Variants in SH2D4B observed in about 807,000 individuals in gnomAD.
SH2D4B encodes the protein SH2 domain-containing protein 4B.
Under a neutral mutation model 61.5 loss-of-function variants are expected in SH2D4B, and 45 were observed. The observed-to-expected ratio is 0.73, with a 90% confidence interval of 0.58 to 0.94. The LOEUF is 0.94. SH2D4B is among the 40% of genes least tolerant of loss of function. The pLI is 0.00. For missense variants in SH2D4B, 572 were observed against 574.2 expected, an observed-to-expected ratio of 1.00 and a Z score of 0.04; for synonymous variants, 224 against 220.4, an observed-to-expected ratio of 1.02 and a Z score of -0.14.
intron 6 of SH2D4B, among the ~76,000 whole-genome samples, chr10:80,610,819 G>C (rs1481764066): frequency 6.6e-6 from 1 of 152,120 alleles, no homozygotes; most frequent in Non-Finnish European, 1.5e-5. Context: ...CGTGCCCTTT[G>C]GGAGTTGGTT....
rs199836337 is a variant in SH2D4B at position 80,644,183 on chromosome 10, C to T, written c.*98C>T. The T allele has an allele frequency of 2.1e-6, 2 of 941,224 alleles. No homozygotes were observed. The highest frequency in any genetic ancestry group is 2.1e-5 in the Admixed American group (1 of 47,034). The allele number at this position is 941,224 out of a possible 1,614,324, so 58.3% of individuals were successfully genotyped here. On this transcript the variant is annotated 3_prime_UTR_variant, in exon 8 of 8. Coordinates refer to ENST00000646907, the MANE Select transcript of SH2D4B (RefSeq NM_001388272.1). ...ATCCTATGGCCTTCTGGAAGATCCA[C>T]CACTATCCAAAGGAAAAAGTAGATT...
At chr10:80,543,291 G>A (rs1295854314) in intron 1 of SH2D4B, among the ~76,000 whole-genome samples, 9 of 152,152 alleles carry the variant, frequency 5.9e-5, no homozygotes, top group Admixed American at 5.2e-4. Context: ...CGGGAACCGG[G>A]GCCAGCGCGA....
At chr10:80,583,758 G>T (rs1285007303) in intron 3 of SH2D4B, among the ~76,000 whole-genome samples, 1 of 152,114 alleles carries the variant, frequency 6.6e-6, no homozygotes, top group Non-Finnish European at 1.5e-5. Flanking sequence ...TTGACAAATA[G>T]GAGCTCTATA....
At chr10:80,600,509 G>C (rs190865079) in intron 4 of SH2D4B, among the ~76,000 whole-genome samples, 7 of 144,896 alleles carry the variant, frequency 4.8e-5, no homozygotes, top group Admixed American at 4.2e-4. Context: ...TGGAGCTACA[G>C]TGCAGAGTGG....
chr10:80,610,716 G>A (rs1339610375), intron 6 of SH2D4B, among the ~76,000 whole-genome samples: 2 of 152,188 alleles, frequency 1.3e-5, no homozygotes, highest in Non-Finnish European at 2.9e-5. Context: ...TAGCATCCGT[G>A]TCATGTTGGT....
At chr10:80,563,470 A>C (rs1259790415) in intron 1 of SH2D4B, among the ~76,000 whole-genome samples, 1 of 152,020 alleles carries the variant, frequency 6.6e-6, no homozygotes, top group African/African-American at 2.4e-5. Flanking sequence ...CCATTTGTCT[A>C]TTTTTGCTGT....
rs1841530361 is a variant in SH2D4B, at chr10:80,538,223, G to A, written c.-109G>A. ...GCTGCACAGAGAAGGGGCACCGAGA[G>A]TGGCCCCGGATTGAGCAGTCCGTAG... On this transcript the variant is annotated 5_prime_UTR_variant, in exon 1 of 8. In the 5' UTR this introduces an upstream ATG that the reference lacks. Coordinates refer to ENST00000646907, the MANE Select transcript of SH2D4B (RefSeq NM_001388272.1). The surrounding 1 kb of genome is among the most constrained non-coding windows in gnomAD (Gnocchi z 4.8). 1.2e-5 allele frequency: 11 copies of A among 936,506 alleles called. No homozygotes were observed. The East Asian group carries it at 3.3e-4, about 28-fold the overall frequency. 58.0% of individuals were successfully genotyped at this position (936,506 alleles called of 1,614,324 possible).
In SH2D4B at chr10:80,634,297, G is replaced by A. The variant is rs747332303; in HGVS notation, c.1001G>A (p.Arg334Gln). The A allele has an allele frequency of 5.0e-5, 76 of 1,506,320 alleles. No homozygotes were observed. Among genetic ancestry groups the A allele is most frequent in the South Asian group, 2.7e-4 (21 of 78,818 alleles). The allele number at this position is 1,506,320 out of a possible 1,614,324, so 93.3% of individuals were successfully genotyped here. ...IAPWFHGIIS[R>Q]EDAEALLENM... Reference sequence around the variant, plus strand: ...TATTTTAAATCAGGAATTATTAGCCGAGAAGATGCAGAAGCTCTCCTGGAG... The same window carrying A: ...TATTTTAAATCAGGAATTATTAGCCAAGAAGATGCAGAAGCTCTCCTGGAG... Residue 334 changes from arginine to glutamine, a missense_variant, in exon 7 of 8, where the codon CGA becomes CAA. Transcript: ENST00000646907.
intron 1 of SH2D4B, among the ~76,000 whole-genome samples, chr10:80,556,837 A>G (rs1841843971): frequency 6.6e-6 from 1 of 152,200 alleles, no homozygotes; most frequent in African/African-American, 2.4e-5. Flanking sequence ...TGATTATGTC[A>G]TATGCAAATG....
intron 3 of SH2D4B, among the ~76,000 whole-genome samples, chr10:80,582,015 T>C (rs1842190275): frequency 6.6e-6 from 1 of 152,240 alleles, no homozygotes; most frequent in Non-Finnish European, 1.5e-5. Flanking sequence ...TCCAATTCAA[T>C]GATTAATTTT....
intron 1 of SH2D4B, among the ~76,000 whole-genome samples, chr10:80,561,652 A>G (rs1841903529): frequency 6.6e-6 from 1 of 152,186 alleles, no homozygotes; most frequent in African/African-American, 2.4e-5. Context: ...TTTTATGGTA[A>G]CATGTTATGT....
Position 80,538,626 on chromosome 10 carries a change from C to A in SH2D4B, c.184+111C>A. On this transcript the variant is annotated intron_variant, in intron 1 of 7. Coordinates refer to ENST00000646907, the MANE Select transcript of SH2D4B (RefSeq NM_001388272.1). The surrounding 1 kb of genome is among the most constrained non-coding windows in gnomAD (Gnocchi z 4.8). ...AAGATGGGCACTGGGGTGATGAGGG[C>A]TGGGGGCTTGAAACCCTTGTCTTGT... 2 of 947,098 alleles carry A rather than the reference C, an allele frequency of 2.1e-6. No homozygotes were observed. Among genetic ancestry groups the A allele is most frequent in the Non-Finnish European group, 2.8e-6 (2 of 708,178 alleles). 58.7% of individuals were successfully genotyped at this position (947,098 alleles called of 1,614,324 possible).
At chr10:80,591,241 A>G (rs760731811) in intron 4 of SH2D4B, among the ~76,000 whole-genome samples, 2 of 152,088 alleles carry the variant, frequency 1.3e-5, no homozygotes, top group Non-Finnish European at 2.9e-5. Context: ...TATATTTTCA[A>G]TTCTCTTGAG....
Position 80,634,289 on chromosome 10 carries a change from T to G in SH2D4B, c.993T>G (p.Ile331Met). 6.7e-7 allele frequency: 1 copy of G among 1,501,774 alleles called. No homozygotes were observed. Among genetic ancestry groups the G allele is most frequent in the Non-Finnish European group, 8.9e-7 (1 of 1,123,288 alleles). 93.0% of individuals were successfully genotyped at this position (1,501,774 alleles called of 1,614,324 possible). ...TTTTTTTCTATTTTAAATCAGGAAT[T>G]ATTAGCCGAGAAGATGCAGAAGCTC... ...TKFIAPWFHG[I>M]ISREDAEALL... is the part of the protein sequence containing the mutation. Residue 331 changes from isoleucine to methionine, a missense_variant, in exon 7 of 8, where the codon ATT becomes ATG. Coordinates refer to ENST00000646907, the MANE Select transcript of SH2D4B (RefSeq NM_001388272.1).
chr10:80,572,986 A>ATATAT (rs1564772012), intron 3 of SH2D4B, among the ~76,000 whole-genome samples: 3 of 8,874 alleles, frequency 3.4e-4, no homozygotes, highest in Admixed American at 2.4e-3. Flanking sequence ...ATATATATAT[A>ATATAT]TTTTTTTTTT....
intron 6 of SH2D4B, among the ~76,000 whole-genome samples, chr10:80,619,913 C>T (rs764021084): frequency 1.3e-5 from 2 of 152,240 alleles, no homozygotes; most frequent in Non-Finnish European, 2.9e-5. Flanking sequence ...CAGATGTTTG[C>T]AGCCACTCCT....
rs184104506 is a variant in SH2D4B at position 80,618,495 on chromosome 10, A to G, written c.988+8944A>G. Among the ~76,000 whole-genome samples the G allele has an allele frequency of 3.3e-4, 50 of 152,374 alleles. 1 individual carries two copies. Among genetic ancestry groups the G allele is most frequent in the Admixed American group, 3.2e-3 (49 of 15,310 alleles). ...AATTTCATTTGGCGTTATAAAAAAAAGAAGGCCTTTGAGCTCATTCATCAC... is the reference window on the plus strand; with the variant it reads ...AATTTCATTTGGCGTTATAAAAAAAGGAAGGCCTTTGAGCTCATTCATCAC... On this transcript the variant is annotated intron_variant, in intron 6 of 7. Coordinates refer to ENST00000646907, the MANE Select transcript of SH2D4B (RefSeq NM_001388272.1).
At chr10:80,579,126 G>C (rs1362597380) in intron 3 of SH2D4B, among the ~76,000 whole-genome samples, 1 of 152,140 alleles carries the variant, frequency 6.6e-6, no homozygotes, top group East Asian at 1.9e-4. Context: ...GTGAGAGCTT[G>C]GGTGAAAAGC....
intron 1 of SH2D4B, among the ~76,000 whole-genome samples, chr10:80,565,774 C>T (rs1210857660): frequency 6.6e-6 from 1 of 152,034 alleles, no homozygotes; most frequent in Non-Finnish European, 1.5e-5. Context: ...TCATTCCTGG[C>T]AGGAAGAAGA....
Sources: gnomAD v4.1 joint callset for allele counts (sites outside exome capture counted in the v4.1 genomes callset) on GRCh38, gnomAD v4.1.1 for gene constraint, Gnocchi (gnomAD v3.1) non-coding constraint, MANE v1.5 for transcripts, NCBI Gene and HGNC (gene_info 2026-07-23, HGNC 2026-07-21) for gene names.